The following FBLN7 variants were observed in gnomAD, a reference collection of about 807,000 sequenced individuals.
FBLN7 encodes fibulin 7.
Under a neutral mutation model 44.0 loss-of-function variants are expected in FBLN7, and 31 were observed. The ratio of observed to expected loss-of-function variants is 0.70; its 90% CI spans 0.53 to 0.95. FBLN7 has a LOEUF of 0.95. Ranked by LOEUF, FBLN7 falls within the 40% of genes least tolerant of loss-of-function variation. The probability of loss-of-function intolerance (pLI) is 0.00; values close to 1 mark genes in which losing one functional copy is unlikely to be tolerated. For missense variants in FBLN7, 573 were observed against 618.5 expected, an observed-to-expected ratio of 0.93 and a Z score of 0.78; for synonymous variants, 262 against 253.4, an observed-to-expected ratio of 1.03 and a Z score of -0.32.
chr2:112,236,649 G>C, the FBLN7 span: 1 of 1,613,842 alleles, frequency 6.2e-7, no homozygotes. Context: ...TCTTCTGTTT[G>C]CCATTCTTGT....
intron 3 of FBLN7, among the ~76,000 whole-genome samples, chr2:112,166,897 C>T (rs914859433): frequency 6.6e-6 from 1 of 152,222 alleles, no homozygotes; most frequent in Non-Finnish European, 1.5e-5. Context: ...TCTGTCCACC[C>T]CCTGCCATGG....
At chr2:112,209,156 T>C in the FBLN7 span, among the ~76,000 whole-genome samples, 1 of 152,218 alleles carries the variant, frequency 6.6e-6, no homozygotes, top group East Asian at 1.9e-4. Flanking sequence ...AGAAACTAAG[T>C]TTCAGAAAGA....
At chr2:112,201,379 C>A in the FBLN7 span, among the ~76,000 whole-genome samples, 22 of 152,380 alleles carry the variant, frequency 1.4e-4, no homozygotes, top group East Asian at 4.2e-3. Flanking sequence ...AGGCCGTGGG[C>A]CCCAGCAGTG....
chr2:112,160,189 ACC>A (rs1681679143), intron 2 of FBLN7, among the ~76,000 whole-genome samples: 1 of 151,952 alleles, frequency 6.6e-6, no homozygotes, highest in African/African-American at 2.4e-5. Flanking sequence ...ACGGGGTTTC[ACC>A]TTGTTAGCCA....
At chr2:112,203,582 G>A in the FBLN7 span, among the ~76,000 whole-genome samples, 2 of 152,036 alleles carry the variant, frequency 1.3e-5, no homozygotes, top group African/African-American at 4.8e-5. Flanking sequence ...ACCAAAAAAA[G>A]GGGGCCCAAA....
At chr2:112,143,334 C>CT (rs1427934394) in intron 1 of FBLN7, among the ~76,000 whole-genome samples, 3 of 152,194 alleles carry the variant, frequency 2.0e-5, no homozygotes, top group Admixed American at 1.3e-4. Context: ...CACAGTGGCT[C>CT]TGGGCGGGCA....
At chr2:112,142,701 G>A (rs1160251331) in intron 1 of FBLN7, among the ~76,000 whole-genome samples, 1 of 152,146 alleles carries the variant, frequency 6.6e-6, no homozygotes, top group Non-Finnish European at 1.5e-5. Context: ...CCCGTTTGCT[G>A]GCAAATGTGC....
the FBLN7 span, among the ~76,000 whole-genome samples, chr2:112,237,004 T>C: frequency 2.6e-5 from 4 of 152,326 alleles, no homozygotes; most frequent in Admixed American, 2.6e-4. Flanking sequence ...AAGGTTACAG[T>C]GAGCTATGAC....
Position 112,182,925 on chromosome 2 carries a change from G to C in FBLN7, c.805G>C (p.Glu269Gln). The change falls in exon 6 of 8, where the codon GAG becomes CAG. Residue 269 changes from glutamate to glutamine, a missense_variant. Transcript: ENST00000331203. ...AACTCTGGCTGACGGGAAGAGCTGT[G>C]AGGGTGAGTGAGGCTACAGAGTGTC... ...YRTLADGKSC[E>Q]DVDECVGLQP... The C allele has an allele frequency of 6.2e-7, 1 of 1,612,196 alleles. No homozygotes were observed. The highest frequency in any genetic ancestry group is 2.2e-5 in the East Asian group (1 of 44,858).
intron 1 of FBLN7, among the ~76,000 whole-genome samples, chr2:112,140,616 A>G (rs1680595203): frequency 6.6e-6 from 1 of 152,212 alleles, no homozygotes; most frequent in Non-Finnish European, 1.5e-5. Context: ...AAGATTTCTC[A>G]GGGAGCTATG....
intron 7 of FBLN7, among the ~76,000 whole-genome samples, chr2:112,186,836 T>C (rs1358019875): frequency 1.3e-5 from 2 of 152,098 alleles, no homozygotes; most frequent in Non-Finnish European, 2.9e-5. Flanking sequence ...CAGGCTATAT[T>C]TTTCTGTAAA....
chr2:112,155,801 C>T (rs1443177439), intron 1 of FBLN7, among the ~76,000 whole-genome samples: 4 of 152,218 alleles, frequency 2.6e-5, no homozygotes, highest in Non-Finnish European at 4.4e-5. Flanking sequence ...AAATACTTGG[C>T]TGCCCAGCGG....
chr2:112,226,219 G>GT, the FBLN7 span, among the ~76,000 whole-genome samples: 60 of 148,524 alleles, frequency 4.0e-4, no homozygotes, highest in East Asian at 4.6e-3. Flanking sequence ...TACCAAAGCT[G>GT]TTTTTTTTTT....
chr2:112,210,619 G>GCACT, the FBLN7 span, among the ~76,000 whole-genome samples: 1 of 126,688 alleles, frequency 7.9e-6, no homozygotes, highest in Non-Finnish European at 1.6e-5. Flanking sequence ...TTGTGCCACT[G>GCACT]CACTCCAGCC....
chr2:112,196,035 A>G, the FBLN7 span, among the ~76,000 whole-genome samples: 1 of 152,210 alleles, frequency 6.6e-6, no homozygotes, highest in African/African-American at 2.4e-5. Context: ...TGGGACCCCC[A>G]GAGTTCTCTC....
intron 1 of FBLN7, among the ~76,000 whole-genome samples, chr2:112,150,692 C>G (rs1681116464): frequency 6.6e-6 from 1 of 152,026 alleles, no homozygotes; most frequent in Non-Finnish European, 1.5e-5. Context: ...AAGTTCCTGC[C>G]CCTTGTGAAT....
intron 1 of FBLN7, among the ~76,000 whole-genome samples, chr2:112,157,015 T>C (rs1175138057): frequency 6.6e-6 from 1 of 152,168 alleles, no homozygotes; most frequent in Non-Finnish European, 1.5e-5. Flanking sequence ...TTCCACTGTA[T>C]TTTAGAGAGT....
intron 7 of FBLN7, among the ~76,000 whole-genome samples, chr2:112,186,244 C>G (rs1406195928): frequency 6.6e-6 from 1 of 152,150 alleles, no homozygotes; most frequent in Non-Finnish European, 1.5e-5. Flanking sequence ...GCCAAATATA[C>G]TAGATTGCAT....
chr2:112,182,837 CT>C lies in FBLN7; in HGVS notation c.718del (p.Cys240AlafsTer6), dbSNP rs760134150. ...LYGQEGRPRL[C>X]MHACVNTPGS... ...ACGGGCAGGAGGGGCGCCCCCGGCT[CT>C]GCATGCACGCCTGCGTGAACACCCC... On this transcript the variant is annotated frameshift_variant, in exon 6 of 8. Transcript: ENST00000331203. LOFTEE classifies it high-confidence loss of function. 6.2e-7 allele frequency: 1 copy of C among 1,612,196 alleles called. No individual in the cohort carries two copies. The highest frequency in any genetic ancestry group is 8.5e-7 in the Non-Finnish European group (1 of 1,179,510).
Sources: allele counts gnomAD v4.1 joint callset (sites outside exome capture counted in the v4.1 genomes callset), GRCh38; gene constraint gnomAD v4.1.1; transcripts MANE v1.5; gene names NCBI Gene and HGNC (gene_info 2026-07-23, HGNC 2026-07-21).